The following MTR variants were observed in gnomAD, a reference collection of about 807,000 sequenced individuals.
MTR encodes 5-methyltetrahydrofolate-homocysteine methyltransferase, also known as methionine synthase.
A neutral mutation model predicts 154.8 loss-of-function variants in MTR; 84 were observed. The observed-to-expected ratio is 0.54, with a 90% CI of 0.45 to 0.65. The LOEUF (loss-of-function observed/expected upper bound fraction) is 0.65, where lower values mean the gene tolerates loss of function less well. Among genes scored for constraint, MTR ranks in the 30% least tolerant of loss-of-function variants. The pLI, the probability that MTR is intolerant of heterozygous loss-of-function variation, is 0.00. For synonymous variants in MTR, 554 were observed against 553.9 expected, an observed-to-expected ratio of 1.00 and a Z score of 0.00; for missense variants, 1,275 against 1,570.2, an observed-to-expected ratio of 0.81 and a Z score of 3.18.
chr1:236,895,005 C>G (rs963695707), intron 30 of MTR: 1 of 374,950 alleles, frequency 2.7e-6, no homozygotes, highest in African/African-American at 2.1e-5. Context: ...CTCCCTTTTC[C>G]TGCAGTGAAC....
In MTR at chr1:236,901,995, C is replaced by G. The variant is rs910372383; in HGVS notation, c.*4351C>G. On this transcript the variant is annotated 3_prime_UTR_variant, in exon 33 of 33. Coordinates refer to ENST00000366577, the MANE Select transcript of MTR (RefSeq NM_000254.3). ...GCCCTGGTTAAGGTTCTCATCATTT[C>G]TCCTCTGGATTCATCTGCAACACAG... is the stretch of plus-strand genomic sequence containing the variant. 6.6e-6 allele frequency: 1 copy of G among 152,268 alleles called. No individual in the cohort carries two copies. Among genetic ancestry groups the G allele is most frequent in the Non-Finnish European group, 1.5e-5 (1 of 68,098 alleles). The allele number at this position is 152,268 out of a possible 1,614,324, so 9.4% of individuals were successfully genotyped here. A position where few individuals can be genotyped will look rare whatever the true frequency, so the allele number is the denominator to read the frequency against.
At chr1:236,815,954 C>G (rs546750282) in intron 7 of MTR, among the ~76,000 whole-genome samples, 103 of 152,194 alleles carry the variant, frequency 6.8e-4, no homozygotes, top group African/African-American at 2.4e-3. Context: ...TCATTAGGGC[C>G]CAAGGAGGGG....
At position 236,882,365 on chromosome 1, in the gene MTR, A is replaced by G. The variant is rs1665783877; in HGVS notation, c.2676+1529A>G. 3.3e-5 allele frequency among the ~76,000 whole-genome samples: 5 copies of G among 149,616 alleles called. No homozygotes were observed. In the South Asian group the frequency reaches 8.5e-4, roughly 25 times the overall value. Reference sequence around the variant, plus strand: ...GGGAAAGAATCAGCCCTTTGATTCCATGTTTGGAGGACAAACCCCTTCACC... The same window carrying G: ...GGGAAAGAATCAGCCCTTTGATTCCGTGTTTGGAGGACAAACCCCTTCACC... On this transcript the variant is annotated intron_variant, in intron 25 of 32. Transcript: ENST00000366577.
At chr1:236,822,175 C>T (rs1252628427) in intron 8 of MTR, among the ~76,000 whole-genome samples, 1 of 152,092 alleles carries the variant, frequency 6.6e-6, no homozygotes, top group Non-Finnish European at 1.5e-5. Flanking sequence ...TCTTCCTCTT[C>T]ATAAACTTGA....
Position 236,899,208 on chromosome 1 carries a change from G to C in MTR, c.*1564G>C, listed in dbSNP as rs909705215. ...TGAAACAAGCAGGTGTTTATATGGA[G>C]TAGCAAAGGACTTAAAATTACCAAA... On this transcript the variant is annotated 3_prime_UTR_variant, in exon 33 of 33. Coordinates refer to ENST00000366577, the MANE Select transcript of MTR (RefSeq NM_000254.3). The C allele has an allele frequency of 9.2e-5, 14 of 152,208 alleles. No homozygotes were observed. Among genetic ancestry groups the C allele is most frequent in the Admixed American group, 1.3e-4 (2 of 15,288 alleles). The allele number at this position is 152,208 out of a possible 1,614,324, so 9.4% of individuals were successfully genotyped here. A position where few individuals can be genotyped will look rare whatever the true frequency, so the allele number is the denominator to read the frequency against.
intron 6 of MTR, 48 bp downstream of exon 6, chr1:236,812,892 G>A (rs1661383994): frequency 7.2e-7 from 1 of 1,390,202 alleles, no homozygotes; most frequent in Non-Finnish European, 1.0e-6. Flanking sequence ...AGGGCTGTGG[G>A]TGAGTCCCCT....
rs1400658126 is a variant in MTR at position 236,891,176 on chromosome 1, G to GA, written c.3053dup (p.Asn1018LysfsTer5). ...TCTACGATGATGCCCACAATATGCT[G>GA]AACACACTGATTAGTCAAAAGAAAC... On this transcript the variant is annotated frameshift_variant, in exon 29 of 33. Coordinates refer to ENST00000366577, the MANE Select transcript of MTR (RefSeq NM_000254.3). LOFTEE classifies it high-confidence loss of function. 2 of 1,614,050 alleles carry GA rather than the reference G, an allele frequency of 1.2e-6. No homozygotes were observed. Among genetic ancestry groups the GA allele is most frequent in the Non-Finnish European group, 1.7e-6 (2 of 1,180,030 alleles).
At chr1:236,820,064 C>T (rs1354305419) in intron 8 of MTR, 2 of 785,444 alleles carry the variant, frequency 2.5e-6, no homozygotes, top group Admixed American at 3.4e-5. Context: ...GTTAACCTGC[C>T]TACCATTGCG....
chr1:236,856,300 A>T (rs551562762), intron 18 of MTR, among the ~76,000 whole-genome samples: 50 of 152,260 alleles, frequency 3.3e-4, no homozygotes, highest in Middle Eastern at 6.8e-3. Flanking sequence ...ATTTACAGGT[A>T]TCAAGTGATG....
At chr1:236,796,904 C>T (rs1291537121) in intron 1 of MTR, among the ~76,000 whole-genome samples, 1 of 151,958 alleles carries the variant, frequency 6.6e-6, no homozygotes, top group African/African-American at 2.4e-5. Flanking sequence ...CTGGCCTCCC[C>T]CTTCCCATTT....
intron 25 of MTR, among the ~76,000 whole-genome samples, chr1:236,882,250 A>G (rs1665776076): frequency 6.6e-6 from 1 of 152,094 alleles, no homozygotes; most frequent in Non-Finnish European, 1.5e-5. Context: ...ATTTTCAAAC[A>G]CTGATGTATA....
At position 236,900,034 on chromosome 1, in the gene MTR, C is replaced by T. The variant is rs1034851560; in HGVS notation, c.*2390C>T. 1 of 254,472 alleles carries T rather than the reference C, an allele frequency of 3.9e-6. No homozygotes were observed. The highest frequency in any genetic ancestry group is 8.0e-6 in the Non-Finnish European group (1 of 125,484). The allele number at this position is 254,472 out of a possible 1,614,324, so 15.8% of individuals were successfully genotyped here. A position where few individuals can be genotyped will look rare whatever the true frequency, so the allele number is the denominator to read the frequency against. ...CCTTACAGACTTGAACATTTGCAGA[C>T]GTTATGATCTTGCTTCCAACTCCCA... On this transcript the variant is annotated 3_prime_UTR_variant, in exon 33 of 33. Coordinates refer to ENST00000366577, the MANE Select transcript of MTR (RefSeq NM_000254.3).
At chr1:236,808,341 T>C (rs968927245) in intron 3 of MTR, among the ~76,000 whole-genome samples, 2 of 152,188 alleles carry the variant, frequency 1.3e-5, no homozygotes, top group Admixed American at 6.5e-5. Flanking sequence ...TGCTTGAACC[T>C]GCGTGTTTTG....
At chr1:236,870,704 C>T (rs575189925) in intron 22 of MTR, among the ~76,000 whole-genome samples, 1 of 152,308 alleles carries the variant, frequency 6.6e-6, no homozygotes, top group South Asian at 2.1e-4. Flanking sequence ...TTTAGACTTA[C>T]ATATCCAGTG....
chr1:236,800,716 G>T (rs1452774588), intron 1 of MTR, among the ~76,000 whole-genome samples: 1 of 152,124 alleles, frequency 6.6e-6, no homozygotes, highest in Admixed American at 6.5e-5. Flanking sequence ...TCCTTGCTGT[G>T]CTATAATACC....
In MTR at chr1:236,861,130, T is replaced by C; in HGVS notation, c.2049T>C (p.Ile683=). The C allele has an allele frequency of 6.3e-7, 1 of 1,582,210 alleles. No individual in the cohort carries two copies. The highest frequency in any genetic ancestry group is 1.2e-5 in the South Asian group (1 of 83,550). ...ERLEYALVKG[I]EKHIIEDTEE... ...TTTTTTTTTGTCTTTTTTAGGGCAT[T>C]GAAAAACATATTATTGAGGATACTG... The change falls in exon 20 of 33, where the codon ATT becomes ATC. Residue 683 remains isoleucine, a synonymous_variant. Coordinates refer to ENST00000366577, the MANE Select transcript of MTR (RefSeq NM_000254.3).
intron 3 of MTR, among the ~76,000 whole-genome samples, chr1:236,807,101 A>T (rs1021828319): frequency 6.6e-6 from 1 of 152,218 alleles, no homozygotes; most frequent in African/African-American, 2.4e-5. Flanking sequence ...ATATATACAC[A>T]GAAGTTGAAT....
intron 11 of MTR, among the ~76,000 whole-genome samples, chr1:236,828,368 T>C (rs1398923295): frequency 6.6e-6 from 1 of 152,212 alleles, no homozygotes; most frequent in Non-Finnish European, 1.5e-5. Context: ...ACTATTTCTT[T>C]TTGTTTTGTT....
At chr1:236,873,733 G>A (rs565798660) in intron 22 of MTR, 40 bp from the exon 23 acceptor site, 53 of 1,540,562 alleles carry the variant, frequency 3.4e-5, no homozygotes, top group South Asian at 4.5e-5. Context: ...TCTCTAATGG[G>A]CTTTCATTAA....
Sources: allele counts gnomAD v4.1 joint callset (sites outside exome capture counted in the v4.1 genomes callset), GRCh38; gene constraint gnomAD v4.1.1; transcripts MANE v1.5; gene names NCBI Gene and HGNC (gene_info 2026-07-23, HGNC 2026-07-21).